TOX: variants seen among roughly 807,000 people sequenced by gnomAD.
The protein encoded by TOX is thymocyte selection-associated high mobility group box protein TOX.
A neutral mutation model predicts 53.7 loss-of-function variants in TOX; 11 were observed. The ratio of observed to expected loss-of-function variants is 0.20; its 90% CI spans 0.13 to 0.34. The LOEUF (loss-of-function observed/expected upper bound fraction) is 0.34. Among genes scored for constraint, TOX ranks in the 10% least tolerant of loss-of-function variants. The pLI, the probability that TOX is intolerant of heterozygous loss-of-function variation, is 1.00. For missense variants in TOX, 570 were observed against 664.6 expected, an observed-to-expected ratio of 0.86 and a Z score of 1.56; for synonymous variants, 225 against 245.3, an observed-to-expected ratio of 0.92 and a Z score of 0.77.
intron 3 of TOX, among the ~76,000 whole-genome samples, chr8:58,905,513 A>G (rs1307092474): frequency 6.6e-6 from 1 of 152,218 alleles, no homozygotes; most frequent in Non-Finnish European, 1.5e-5. Flanking sequence ...GCTGTCAGAG[A>G]GTGACCATGG....
At chr8:58,940,678 C>T (rs1184441547) in intron 2 of TOX, among the ~76,000 whole-genome samples, 1 of 152,018 alleles carries the variant, frequency 6.6e-6, no homozygotes, top group African/African-American at 2.4e-5. Context: ...AGTGCCTGCT[C>T]AAGTGTGCAA....
chr8:58,942,510 C>T (rs1433237862), intron 2 of TOX, among the ~76,000 whole-genome samples: 1 of 152,014 alleles, frequency 6.6e-6, no homozygotes, highest in African/African-American at 2.4e-5. Context: ...TGCCATGAGC[C>T]TATTACAGTG....
chr8:58,810,038 T>G (rs1168451949), intron 7 of TOX, among the ~76,000 whole-genome samples: 2 of 152,172 alleles, frequency 1.3e-5, no homozygotes. Flanking sequence ...CAGAATGGAG[T>G]GCAGTGGCAT....
At chr8:58,999,328 A>G (rs76908773) in intron 1 of TOX, among the ~76,000 whole-genome samples, 1 of 128,494 alleles carries the variant, frequency 7.8e-6, no homozygotes, top group African/African-American at 3.0e-5. Context: ...CAATTTCAGG[A>G]AAAAAAAACC....
At chr8:58,860,522 C>G (rs1378530936) in intron 3 of TOX, among the ~76,000 whole-genome samples, 1 of 152,186 alleles carries the variant, frequency 6.6e-6, no homozygotes, top group Non-Finnish European at 1.5e-5. Context: ...TGCATTTTGT[C>G]ACAAATGAAT....
intron 3 of TOX, among the ~76,000 whole-genome samples, chr8:58,914,827 G>A (rs900986308): frequency 1.4e-4 from 21 of 151,544 alleles, no homozygotes; most frequent in Admixed American, 1.3e-3. Context: ...GACAGTGGGC[G>A]CAGGCCAGTG....
intron 1 of TOX, among the ~76,000 whole-genome samples, chr8:59,010,369 TA>T (rs1563417152): frequency 6.6e-6 from 1 of 152,242 alleles, no homozygotes; most frequent in East Asian, 1.9e-4. Context: ...TGAAAGAATT[TA>T]AAAATTCAGA....
intron 1 of TOX, among the ~76,000 whole-genome samples, chr8:59,041,451 C>A (rs368264395): frequency 6.6e-6 from 1 of 152,172 alleles, no homozygotes; most frequent in African/African-American, 2.4e-5. Context: ...ACCTCTATGT[C>A]TTTGCAAACT....
At chr8:58,866,456 G>T (rs1811103419) in intron 3 of TOX, among the ~76,000 whole-genome samples, 1 of 152,106 alleles carries the variant, frequency 6.6e-6, no homozygotes, top group South Asian at 2.1e-4. Flanking sequence ...AACCTTAATT[G>T]CAACAAAGTA....
intron 1 of TOX, among the ~76,000 whole-genome samples, chr8:59,023,452 T>C (rs948296142): frequency 3.9e-5 from 6 of 152,212 alleles, no homozygotes; most frequent in Admixed American, 2.6e-4. Context: ...AGAAGGCAAC[T>C]CTGAGAAGTT....
chr8:58,973,679 T>A (rs974386822), intron 1 of TOX, among the ~76,000 whole-genome samples: 1 of 152,232 alleles, frequency 6.6e-6, no homozygotes, highest in Non-Finnish European at 1.5e-5. Context: ...CTTTGTGGAT[T>A]CAAAGTTTTG....
chr8:59,040,344 A>G (rs1276593456), intron 1 of TOX, among the ~76,000 whole-genome samples: 1 of 151,174 alleles, frequency 6.6e-6, no homozygotes, highest in East Asian at 1.9e-4. Flanking sequence ...AAAAAAAAAA[A>G]AAAAAAGAAG....
At chr8:58,887,556 A>G (rs1227211848) in intron 3 of TOX, among the ~76,000 whole-genome samples, 1 of 151,994 alleles carries the variant, frequency 6.6e-6, no homozygotes, top group African/African-American at 2.4e-5. Context: ...TGAGCAAAGT[A>G]GTCTCTTATG....
At chr8:58,885,274 A>G (rs1057487007) in intron 3 of TOX, among the ~76,000 whole-genome samples, 1 of 152,164 alleles carries the variant, frequency 6.6e-6, no homozygotes, top group Non-Finnish European at 1.5e-5. Flanking sequence ...ACCTTATTTT[A>G]AATAAATCAC....
chr8:59,081,065 C>T (rs1451014717), intron 1 of TOX, among the ~76,000 whole-genome samples: 3 of 152,100 alleles, frequency 2.0e-5, no homozygotes, highest in South Asian at 2.1e-4. Context: ...CTCACTCTGT[C>T]GCCCAGGCTG....
intron 1 of TOX, among the ~76,000 whole-genome samples, chr8:59,019,347 A>G (rs1482951389): frequency 6.6e-6 from 1 of 152,226 alleles, no homozygotes; most frequent in Non-Finnish European, 1.5e-5. Flanking sequence ...ATTATTAGCA[A>G]ATAACTAAGT....
intron 1 of TOX, among the ~76,000 whole-genome samples, chr8:59,112,487 T>C (rs541890460): frequency 2.6e-5 from 4 of 152,326 alleles, no homozygotes; most frequent in African/African-American, 9.6e-5. Flanking sequence ...CTTGGCACTG[T>C]AGTTTCCTAG....
intron 1 of TOX, among the ~76,000 whole-genome samples, chr8:59,057,192 A>G (rs1463907208): frequency 1.3e-5 from 2 of 152,194 alleles, no homozygotes; most frequent in Admixed American, 1.3e-4. Context: ...TTTATATTTA[A>G]ATAAAAATAT....
At chr8:59,085,979 C>CTTTTTTTTTTTTTTT (rs35593177) in intron 1 of TOX, among the ~76,000 whole-genome samples, 10 of 88,812 alleles carry the variant, frequency 1.1e-4, no homozygotes, top group South Asian at 3.8e-4. Context: ...CTTTTCTTTT[C>CTTTTTTTTTTTTTTT]TTTTTTTTTT....
Sources: allele counts gnomAD v4.1 joint callset (sites outside exome capture counted in the v4.1 genomes callset), GRCh38; gene constraint gnomAD v4.1.1; transcripts MANE v1.5; gene names NCBI Gene and HGNC (gene_info 2026-07-23, HGNC 2026-07-21).